The following MBNL1 variants were observed in gnomAD, a reference collection of about 807,000 sequenced individuals.
MBNL1 encodes muscleblind-like protein 1.
In MBNL1, 8 loss-of-function variants were observed where a neutral mutation model predicts 42.2. The ratio of observed to expected loss-of-function variants is 0.19; its 90% CI spans 0.11 to 0.34. MBNL1 has a LOEUF of 0.34. Among genes scored for constraint, MBNL1 ranks in the 10% least tolerant of loss-of-function variants. MBNL1 has a pLI of 1.00. For missense variants in MBNL1, 309 were observed against 495.3 expected (o/e 0.62, Z 3.57); for synonymous variants, 169 against 173.9 (o/e 0.97, Z 0.22).
intron 2 of MBNL1, among the ~76,000 whole-genome samples, chr3:152,306,533 C>T (rs1216520942): frequency 6.6e-6 from 1 of 152,218 alleles, no homozygotes; most frequent in Non-Finnish European, 1.5e-5. Context: ...CTCTGAGCTT[C>T]AGCCAGTAAT....
chr3:152,350,237 A>C (rs370786477), intron 2 of MBNL1, among the ~76,000 whole-genome samples: 4 of 152,152 alleles, frequency 2.6e-5, no homozygotes, highest in African/African-American at 9.6e-5. Flanking sequence ...TAGTTATTCT[A>C]TAGAGAAGAC....
chr3:152,441,782 C>T (rs2099148686), intron 4 of MBNL1, among the ~76,000 whole-genome samples: 1 of 152,056 alleles, frequency 6.6e-6, no homozygotes, highest in Admixed American at 6.6e-5. Context: ...GTTTGAAAAC[C>T]ATTTATCAAA....
intron 2 of MBNL1, chr3:152,334,966 G>T (rs1243810657): frequency 1.7e-6 from 1 of 576,010 alleles, no homozygotes; most frequent in Non-Finnish European, 2.6e-6. Flanking sequence ...CTCTCTGTAG[G>T]TGTAAATAAG....
intron 4 of MBNL1, among the ~76,000 whole-genome samples, chr3:152,433,875 GGTT>G (rs1323574111): frequency 6.6e-6 from 1 of 152,120 alleles, no homozygotes; most frequent in Non-Finnish European, 1.5e-5. Flanking sequence ...ATTTCAAAGT[GGTT>G]GTTCAGAATT....
upstream of MBNL1, among the ~76,000 whole-genome samples, chr3:152,243,636 C>T (rs2032229966): frequency 6.6e-6 from 1 of 151,108 alleles, no homozygotes. Context: ...GCATTTGTGT[C>T]ATACTTCAAA....
At chr3:152,383,597 G>A (rs1381147527) in intron 2 of MBNL1, among the ~76,000 whole-genome samples, 2 of 152,096 alleles carry the variant, frequency 1.3e-5, no homozygotes, top group Non-Finnish European at 2.9e-5. Flanking sequence ...TCTTATGCCT[G>A]TGGAATAGCT....
chr3:152,411,207 T>G (rs2098555048), intron 2 of MBNL1, among the ~76,000 whole-genome samples: 2 of 152,194 alleles, frequency 1.3e-5, no homozygotes. Context: ...ATCTCAATAG[T>G]TGGAGCTACC....
intron 2 of MBNL1, among the ~76,000 whole-genome samples, chr3:152,377,522 T>C (rs2096962467): frequency 6.6e-6 from 1 of 152,234 alleles, no homozygotes; most frequent in African/African-American, 2.4e-5. Context: ...AATTTTAGGG[T>C]CTAATACATG....
chr3:152,325,086 C>A (rs1443037005), intron 2 of MBNL1, among the ~76,000 whole-genome samples: 1 of 65,184 alleles, frequency 1.5e-5, no homozygotes. Context: ...GCCACATACC[C>A]GCCCCCCCCC....
At chr3:152,330,475 C>T (rs1038380027) in intron 2 of MBNL1, among the ~76,000 whole-genome samples, 1 of 152,134 alleles carries the variant, frequency 6.6e-6, no homozygotes, top group Non-Finnish European at 1.5e-5. Context: ...ATGCTACTTT[C>T]ATTTAGGTGC....
At chr3:152,257,197 T>C (rs978795727) in intron 2 of MBNL1, among the ~76,000 whole-genome samples, 2 of 152,180 alleles carry the variant, frequency 1.3e-5, no homozygotes, top group African/African-American at 4.8e-5. Flanking sequence ...CAATAAGTAT[T>C]AGAGAGCACT....
chr3:152,447,603 A>G lies in MBNL1; in HGVS notation c.808-17A>G, dbSNP rs774650871. On this transcript the variant is annotated splice_polypyrimidine_tract_variant and intron_variant, in intron 5 of 9. Transcript: ENST00000324210. The stretch of plus-strand genomic sequence containing the variant: ...CTTTTTACTGGTATTTGTTTTTTAT[A>G]CTCATTCACTAAACAGGGAATTCCT... 7 of 1,601,102 alleles carry G rather than the reference A, an allele frequency of 4.4e-6. No individual in the cohort carries two copies. Among genetic ancestry groups the G allele is most frequent in the Admixed American group, 3.5e-5 (2 of 57,840 alleles).
chr3:152,338,267 T>C (rs1482509695), intron 2 of MBNL1: 1 of 985,300 alleles, frequency 1.0e-6, no homozygotes, highest in Non-Finnish European at 1.2e-6. Flanking sequence ...CTACCTGAGC[T>C]CTGTGCCAAT....
chr3:152,428,334 G>C (rs1343788562), intron 3 of MBNL1, among the ~76,000 whole-genome samples: 1 of 152,180 alleles, frequency 6.6e-6, no homozygotes, highest in Admixed American at 6.5e-5. Context: ...CCCTCTAGGA[G>C]CCTCCAGTCT....
At position 152,464,723 on chromosome 3, in the gene MBNL1, A is replaced by G. The variant is rs1410172946; in HGVS notation, c.*2357A>G. ...AATCCAAATACTCAAAGTTTACGTA[A>G]TGAAAATTATAGCGTGTGTGCAAAC... On this transcript the variant is annotated 3_prime_UTR_variant, in exon 10 of 10. Coordinates refer to ENST00000324210, the MANE Select transcript of MBNL1 (RefSeq NM_021038.5). 2 of 152,612 alleles carry G rather than the reference A, an allele frequency of 1.3e-5. No homozygotes were observed. Among genetic ancestry groups the G allele is most frequent in the African/African-American group, 2.4e-5 (1 of 41,442 alleles). 9.5% of individuals were successfully genotyped at this position (152,612 alleles called of 1,614,324 possible). A position where few individuals can be genotyped will look rare whatever the true frequency, so the allele number is the denominator to read the frequency against.
At chr3:152,407,206 G>A (rs60971041) in intron 2 of MBNL1, among the ~76,000 whole-genome samples, 23,582 of 76,284 alleles carry the variant, frequency 0.31, 2,982 homozygotes, top group Middle Eastern at 0.44. Flanking sequence ...GTGGAAATAT[G>A]TTCTTTTTTT....
intron 2 of MBNL1, among the ~76,000 whole-genome samples, chr3:152,325,166 C>A (rs1334076418): frequency 2.1e-5 from 3 of 140,996 alleles, no homozygotes; most frequent in Non-Finnish European, 4.5e-5. Context: ...TTTCTTCCTA[C>A]ATGAGTTTTG....
intron 1 of MBNL1, chr3:152,269,904 G>GCT (rs1553766501): frequency 6.7e-5 from 8 of 118,570 alleles, no homozygotes; most frequent in Admixed American, 5.7e-4. Flanking sequence ...CAAATATGTA[G>GCT]CCACCCCCCA....
intron 2 of MBNL1, among the ~76,000 whole-genome samples, chr3:152,404,513 A>G (rs1200574947): frequency 6.6e-6 from 1 of 152,110 alleles, no homozygotes; most frequent in Non-Finnish European, 1.5e-5. Context: ...AATGCCTCAT[A>G]TAAATACTAA....
Sources: allele counts gnomAD v4.1 joint callset (sites outside exome capture counted in the v4.1 genomes callset), GRCh38; gene constraint gnomAD v4.1.1; transcripts MANE v1.5; gene names NCBI Gene and HGNC (gene_info 2026-07-23, HGNC 2026-07-21).